CDH10: variants seen among roughly 807,000 people sequenced by gnomAD.
The protein encoded by CDH10 is cadherin 10, also known as cadherin-10.
CDH10 carries 30 observed loss-of-function variants against 73.1 expected under a neutral mutation model. The observed-to-expected ratio is 0.41, with a 90% CI of 0.31 to 0.56. The LOEUF (loss-of-function observed/expected upper bound fraction) is 0.56, where lower values mean the gene tolerates loss of function less well. Among genes scored for constraint, CDH10 ranks in the 20% least tolerant of loss-of-function variants. CDH10 has a pLI of 0.27. For synonymous variants in CDH10, 345 were observed against 348.2 expected, an observed-to-expected ratio of 0.99 and a Z score of 0.10; for missense variants, 815 against 973.7, an observed-to-expected ratio of 0.84 and a Z score of 2.17.
At chr5:24,506,673 C>T (rs1194570762) in intron 7 of CDH10, among the ~76,000 whole-genome samples, 1 of 152,118 alleles carries the variant, frequency 6.6e-6, no homozygotes. Context: ...AGACTAAGAA[C>T]TCCTTGAGAA....
At chr5:24,548,160 C>A (rs1369421489) in intron 2 of CDH10, among the ~76,000 whole-genome samples, 1 of 151,736 alleles carries the variant, frequency 6.6e-6, no homozygotes, top group Non-Finnish European at 1.5e-5. Flanking sequence ...CTGAAGCTTG[C>A]CCTGTCACCT....
intron 2 of CDH10, among the ~76,000 whole-genome samples, chr5:24,570,504 G>A (rs941053185): frequency 3.3e-5 from 5 of 152,078 alleles, no homozygotes; most frequent in African/African-American, 1.2e-4. Flanking sequence ...GGAGGCTGTA[G>A]AGATTGCATC....
chr5:24,643,429 GA>G (rs2112227089), intron 1 of CDH10, among the ~76,000 whole-genome samples: 1 of 152,170 alleles, frequency 6.6e-6, no homozygotes, highest in African/African-American at 2.4e-5. Context: ...GGAAGATAGA[GA>G]GGGGGATGGT....
rs1309404248 is a variant in CDH10 at position 24,511,547 on chromosome 5, G to GAGAC, written c.815-34_815-33insGTCT. 4.7e-3 allele frequency: 392 copies of GAGAC among 83,978 alleles called. 3 individuals carry two copies. In the African/African-American group the frequency reaches 0.048, roughly 10 times the overall value. 5.2% of individuals were successfully genotyped at this position (83,978 alleles called of 1,614,324 possible). A position where few individuals can be genotyped will look rare whatever the true frequency, so the allele number is the denominator to read the frequency against. On this transcript the variant is annotated intron_variant, in intron 5 of 11. Coordinates refer to ENST00000264463, the MANE Select transcript of CDH10 (RefSeq NM_006727.5). ...GTATAAAGAAAAGAAGAGAGAGACA[G>GAGAC]AGAGAGAGAGAGAGAGAGAGAGAGA...
rs554993520 is a variant in CDH10 at position 24,620,964 on chromosome 5, C to T, written c.-124+23630G>A. 3.9e-5 allele frequency among the ~76,000 whole-genome samples: 6 copies of T among 152,282 alleles called. No individual in the cohort carries two copies. The South Asian group carries it at 1.2e-3, about 32-fold the overall frequency. ...CTTATCGTCAAGGTCTAACTGCCAG[C>T]ATAATATACAAGACACTTGGACCTA... On this transcript the variant is annotated intron_variant, in intron 1 of 11. Coordinates refer to ENST00000264463, the MANE Select transcript of CDH10 (RefSeq NM_006727.5).
intron 10 of CDH10, among the ~76,000 whole-genome samples, chr5:24,492,415 T>G (rs893094001): frequency 9.8e-5 from 15 of 152,306 alleles, no homozygotes; most frequent in African/African-American, 3.4e-4. Context: ...AGGCTACTTC[T>G]CATTCTTTTC....
chr5:24,517,673 A>C (rs6452213), intron 5 of CDH10, among the ~76,000 whole-genome samples: 72,638 of 151,926 alleles, frequency 0.48, 17,478 homozygotes, highest in East Asian at 0.58. Flanking sequence ...AAGATAGTTG[A>C]ATGAAGGTAG....
At chr5:24,491,205 C>T (rs1742041252) in intron 11 of CDH10, among the ~76,000 whole-genome samples, 1 of 152,170 alleles carries the variant, frequency 6.6e-6, no homozygotes, top group Non-Finnish European at 1.5e-5. Flanking sequence ...GCATGGCTAC[C>T]AAGAATTTTG....
At position 24,528,530 on chromosome 5, in the gene CDH10, T is replaced by C. The variant is rs557719420; in HGVS notation, c.814+6582A>G. Among the ~76,000 whole-genome samples the C allele has an allele frequency of 3.5e-4, 53 of 152,036 alleles. 1 individual carries two copies. In the South Asian group the frequency reaches 0.01, roughly 29 times the overall value. ...GTCTTAAATCCCTATGTATATCATATAGACATTTCCTTGAAAGACCTTGTC... is the reference window on the plus strand; with the variant it reads ...GTCTTAAATCCCTATGTATATCATACAGACATTTCCTTGAAAGACCTTGTC... On this transcript the variant is annotated intron_variant, in intron 5 of 11. Coordinates refer to ENST00000264463, the MANE Select transcript of CDH10 (RefSeq NM_006727.5).
rs550424144 is a variant in CDH10, at chr5:24,529,472, A to T, written c.814+5640T>A. 1.5e-3 allele frequency among the ~76,000 whole-genome samples: 222 copies of T among 152,002 alleles called. 1 individual carries two copies. The highest frequency in any genetic ancestry group is 2.4e-3 in the Non-Finnish European group (162 of 67,896). ...TAAAAACTGTCCTTTAAGTGGGGAA[A>T]TTTTTTATTAATTTTCACAACTAAC... is the stretch of plus-strand genomic sequence containing the variant. On this transcript the variant is annotated intron_variant, in intron 5 of 11. Coordinates refer to ENST00000264463, the MANE Select transcript of CDH10 (RefSeq NM_006727.5).
chr5:24,565,297 A>G (rs917193543), intron 2 of CDH10, among the ~76,000 whole-genome samples: 1 of 152,208 alleles, frequency 6.6e-6, no homozygotes, highest in African/African-American at 2.4e-5. Flanking sequence ...TGCTAAATAA[A>G]TTAAGATCAC....
At chr5:24,563,901 T>A (rs1745065997) in intron 2 of CDH10, among the ~76,000 whole-genome samples, 1 of 152,198 alleles carries the variant, frequency 6.6e-6, no homozygotes, top group South Asian at 2.1e-4. Context: ...TCTTCTCCAA[T>A]GGGTTGTAAC....
intron 5 of CDH10, among the ~76,000 whole-genome samples, chr5:24,530,760 TAG>T (rs1743712240): frequency 6.6e-6 from 1 of 152,040 alleles, no homozygotes; most frequent in South Asian, 2.1e-4. Flanking sequence ...ATTTAGGTAT[TAG>T]ATATTAGGAT....
intron 5 of CDH10, among the ~76,000 whole-genome samples, chr5:24,519,094 T>C (rs921848047): frequency 2.0e-5 from 3 of 151,864 alleles, no homozygotes; most frequent in Non-Finnish European, 1.5e-5. Flanking sequence ...TTTTGCCATG[T>C]TACCCAGGCT....
rs137884653 is a variant in CDH10 at position 24,487,733 on chromosome 5, C to T, written c.2297G>A (p.Arg766Gln). The T allele has an allele frequency of 3.6e-5, 58 of 1,613,516 alleles. No individual in the cohort carries two copies. The African/African-American group carries it at 7.5e-4, about 21-fold the overall frequency. Residue 766 changes from arginine (R) to glutamine (Q), a missense_variant, in exon 12 of 12, where the codon CGA becomes CAA. Coordinates refer to ENST00000264463, the MANE Select transcript of CDH10 (RefSeq NM_006727.5). ...TEGDQNYDYL[R>Q]EWGPRFNKLA... ...CTTATTAAACCGAGGGCCCCATTCT[C>T]GGAGGTAATCGTAGTTTTGGTCTCC... is the stretch of plus-strand genomic sequence containing the variant.
chr5:24,539,374 C>T (rs1205065882), intron 2 of CDH10, among the ~76,000 whole-genome samples: 1 of 151,654 alleles, frequency 6.6e-6, no homozygotes, highest in Non-Finnish European at 1.5e-5. Context: ...AATGAACTTG[C>T]CCCTGAAAAC....
intron 1 of CDH10, among the ~76,000 whole-genome samples, chr5:24,607,938 T>G (rs896468562): frequency 2.0e-5 from 3 of 152,084 alleles, no homozygotes; most frequent in African/African-American, 4.8e-5. Context: ...AGGCCCTCTA[T>G]TTTTTGTTTA....
chr5:24,615,534 G>GA (rs1269614719), intron 1 of CDH10, among the ~76,000 whole-genome samples: 2 of 152,122 alleles, frequency 1.3e-5, no homozygotes, highest in African/African-American at 4.8e-5. Flanking sequence ...TGTAGGTATG[G>GA]AAAAAACGGA....
rs1561116252 is a variant in CDH10, at chr5:24,488,102, A to G, written c.1928T>C (p.Leu643Pro). 1.2e-6 allele frequency: 2 copies of G among 1,612,752 alleles called. No homozygotes were observed. The highest frequency in any genetic ancestry group is 1.7e-6 in the Non-Finnish European group (2 of 1,179,524). Residue 643 changes from leucine to proline, a missense_variant, in exon 12 of 12, where the codon CTG becomes CCG. By Grantham distance (98) the Leu-to-Pro change is moderately conservative. This residue lies in a region of CDH10 where 241 missense variants were observed against 240.3 expected (regional missense o/e 1.00). Coordinates refer to ENST00000264463, the MANE Select transcript of CDH10 (RefSeq NM_006727.5). ...TCTGATATCTTCTTTTGACAAGATC[A>G]GAGGCTCTTTTTTTCGCTGTCTTTT... is the stretch of plus-strand genomic sequence containing the variant. ...ALKRQRKKEP[L>P]ILSKEDIRDN...
Sources: allele counts gnomAD v4.1 joint callset (sites outside exome capture counted in the v4.1 genomes callset), GRCh38; gene constraint gnomAD v4.1.1; regional missense constraint gnomAD v4.1.1; transcripts MANE v1.5; gene names NCBI Gene and HGNC (gene_info 2026-07-23, HGNC 2026-07-21).